Variants in SLC2A14 observed in about 807,000 individuals in gnomAD.
The protein encoded by SLC2A14 is solute carrier family 2, facilitated glucose transporter member 14.
SLC2A14 carries 13 observed loss-of-function variants against 43.0 expected under a neutral mutation model. That is an observed-to-expected ratio of 0.30 (90% confidence interval 0.20 to 0.48). The LOEUF is 0.48. Ranked by LOEUF, SLC2A14 falls within the 20% of genes least tolerant of loss-of-function variation. The pLI is 0.99. For missense variants in SLC2A14, 428 were observed against 620.4 expected (o/e 0.69, Z 3.29); for synonymous variants, 190 against 233.8 (o/e 0.81, Z 1.71).
upstream of SLC2A14, among the ~76,000 whole-genome samples, chr12:7,874,869 C>CATATTTATATATAAATT (rs1565584921): frequency 2.3e-4 from 18 of 79,302 alleles, no homozygotes; most frequent in South Asian, 7.4e-4. Context: ...TATATAAATA[C>CATATTTATATATAAATT]ATATATAAAT....
intron 2 of SLC2A14, among the ~76,000 whole-genome samples, chr12:7,863,947 C>G (rs1419262568): frequency 2.0e-5 from 3 of 151,818 alleles, no homozygotes; most frequent in African/African-American, 7.3e-5. Flanking sequence ...TCCCGAGTAG[C>G]TGGCACTACA....
At position 7,831,587 on chromosome 12, in the gene SLC2A14, C is replaced by G; in HGVS notation, c.272+17G>C. 1.2e-6 allele frequency: 2 copies of G among 1,613,740 alleles called. No individual in the cohort carries two copies. Among genetic ancestry groups the G allele is most frequent in the African/African-American group, 1.3e-5 (1 of 75,028 alleles). On this transcript the variant is annotated intron_variant, in intron 4 of 10. Transcript: ENST00000431042. ...ATCTGGTAGAGCCCACTTCCTTGCC[C>G]AGTTTCTAGTCAATACCTGCCAAAG...
chr12:7,839,914 C>T (rs1472319388), intron 2 of SLC2A14: 1 of 303,064 alleles, frequency 3.3e-6, no homozygotes, highest in South Asian at 2.2e-5. Flanking sequence ...ACAAGGAGAC[C>T]CTGTCTCTAC....
At chr12:7,835,583 A>G (rs1245821025) in intron 2 of SLC2A14, among the ~76,000 whole-genome samples, 2 of 152,238 alleles carry the variant, frequency 1.3e-5, no homozygotes, top group East Asian at 3.8e-4. Context: ...GTAAATCTCA[A>G]TCCTAGTTTC....
At chr12:7,871,863 G>A (rs1455107125) in intron 1 of SLC2A14, 8 of 980,528 alleles carry the variant, frequency 8.2e-6, no homozygotes, top group Middle Eastern at 5.2e-4. Flanking sequence ...AGACACCAGC[G>A]CACACCCACC....
chr12:7,879,321 A>AAACAAAC (rs367976821), intron 1 of SLC2A14, among the ~76,000 whole-genome samples: 9,487 of 34,490 alleles, frequency 0.28, 774 homozygotes, highest in East Asian at 0.42. Context: ...AAAAAAAAAC[A>AAACAAAC]AACAACAACA....
Position 7,866,767 on chromosome 12 carries a change from G to A in SLC2A14, c.18+3096C>T, listed in dbSNP as rs1257490662. On this transcript the variant is annotated intron_variant, in intron 2 of 10. Transcript: ENST00000431042. The stretch of plus-strand genomic sequence containing the variant: ...TTCATGAGGTTTAAGGAAAGAAGCT[G>A]TCCCTATAACTTAAAAGTACAAGGT... 2.0e-5 allele frequency among the ~76,000 whole-genome samples: 3 copies of A among 152,156 alleles called. 1 individual carries two copies. Among genetic ancestry groups the A allele is most frequent in the Non-Finnish European group, 2.9e-5 (2 of 68,030 alleles).
intron 2 of SLC2A14, among the ~76,000 whole-genome samples, chr12:7,847,019 G>A (rs1389900114): frequency 1.3e-5 from 2 of 151,728 alleles, no homozygotes; most frequent in African/African-American, 4.8e-5. Context: ...TTGGGAGGCC[G>A]AGGTGGGTGG....
chr12:7,852,894 A>G (rs903444463), intron 2 of SLC2A14, among the ~76,000 whole-genome samples: 13 of 152,166 alleles, frequency 8.5e-5, no homozygotes, highest in Admixed American at 2.6e-4. Context: ...AGGAGGAAAC[A>G]GAGAAAAAAG....
At chr12:7,826,834 T>TTTCCTTCC (rs71038778) in intron 7 of SLC2A14, among the ~76,000 whole-genome samples, 7,387 of 28,936 alleles carry the variant, frequency 0.26, 1,214 homozygotes, top group Admixed American at 0.35. Flanking sequence ...TCTTTCTTTC[T>TTTCCTTCC]TTCCTTCCTT....
rs904259746 is a variant in SLC2A14, at chr12:7,814,189, G to A, written c.*127C>T. On this transcript the variant is annotated 3_prime_UTR_variant, in exon 11 of 11. Coordinates refer to ENST00000431042, the MANE Select transcript of SLC2A14 (RefSeq NM_001286234.2). ...CAGCCTTGGGGTGCTCATGGAGTGC[G>A]TGGGATGAGAAAGAAATCAAGTAGC... is the stretch of plus-strand genomic sequence containing the variant. 1.0e-5 allele frequency: 15 copies of A among 1,500,498 alleles called. No individual in the cohort carries two copies. Among genetic ancestry groups the A allele is most frequent in the African/African-American group, 1.4e-5 (1 of 72,638 alleles). The allele number at this position is 1,500,498 out of a possible 1,614,324, so 92.9% of individuals were successfully genotyped here.
intron 10 of SLC2A14, 90 bp downstream of exon 10, chr12:7,817,739 AAT>A (rs200083055): frequency 1.5e-3 from 1,129 of 768,218 alleles, no homozygotes; most frequent in East Asian, 2.1e-3. Flanking sequence ...CAGTCTCAAA[AAT>A]ATATATATAT....
intron 2 of SLC2A14, among the ~76,000 whole-genome samples, chr12:7,858,872 G>A (rs993024862): frequency 1.3e-4 from 20 of 152,092 alleles, no homozygotes; most frequent in Non-Finnish European, 2.2e-4. Flanking sequence ...TCATAGCTAA[G>A]AAATCATTAC....
chr12:7,879,123 C>A (rs1024257382), intron 1 of SLC2A14, among the ~76,000 whole-genome samples: 1 of 151,240 alleles, frequency 6.6e-6, no homozygotes, highest in Non-Finnish European at 1.5e-5. Flanking sequence ...TTGAAGTGAG[C>A]TGCTTACATA....
chr12:7,846,980 G>A (rs768822666), intron 2 of SLC2A14, among the ~76,000 whole-genome samples: 6 of 151,572 alleles, frequency 4.0e-5, no homozygotes, highest in South Asian at 2.1e-4. Flanking sequence ...GCGGCCGGGC[G>A]CAGTGGCCAC....
intron 1 of SLC2A14, among the ~76,000 whole-genome samples, chr12:7,883,269 T>TGC (rs1945621788): frequency 8.2e-6 from 1 of 122,624 alleles, no homozygotes; most frequent in South Asian, 2.6e-4. Flanking sequence ...CTTTCTTTTT[T>TGC]TTTTTTTTTT....
chr12:7,844,026 T>G (rs1386988931), intron 2 of SLC2A14, among the ~76,000 whole-genome samples: 2 of 152,088 alleles, frequency 1.3e-5, no homozygotes, highest in Non-Finnish European at 2.9e-5. Context: ...AAAAATGCAC[T>G]AATCTGGAGT....
In SLC2A14 at chr12:7,827,498, A is replaced by G. The variant is rs1279725068; in HGVS notation, c.861T>C (p.Asn287=). 4 of 1,611,112 alleles carry G rather than the reference A, an allele frequency of 2.5e-6. No homozygotes were observed. Among genetic ancestry groups the G allele is most frequent in the Non-Finnish European group, 3.4e-6 (4 of 1,179,524 alleles). ...LQLSQQLSGI[N]AVFYYSTGIF... ...GACCCTAAAGTATCACACTCACAGC[A>G]TTGATCCCAGAGAGCTGCTGAGAGA... The change falls in exon 7 of 11, where the codon AAT becomes AAC. Residue 287 remains asparagine (N), a synonymous_variant. Coordinates refer to ENST00000431042, the MANE Select transcript of SLC2A14 (RefSeq NM_001286234.2).
At chr12:7,821,129 A>G in intron 8 of SLC2A14, 92 bp downstream of exon 8, 2 of 945,642 alleles carry the variant, frequency 2.1e-6, no homozygotes, top group Non-Finnish European at 3.2e-6. Flanking sequence ...AAAAGGTGTA[A>G]CTAAATAACG....
Sources: allele counts gnomAD v4.1 joint callset (sites outside exome capture counted in the v4.1 genomes callset), GRCh38; gene constraint gnomAD v4.1.1; transcripts MANE v1.5; gene names NCBI Gene and HGNC (gene_info 2026-07-23, HGNC 2026-07-21).